The following NAP1L1 variants were observed in gnomAD, a reference collection of about 807,000 sequenced individuals.
The protein encoded by NAP1L1 is nucleosome assembly protein 1 like 1, also known as nucleosome assembly protein 1-like 1.
NAP1L1 carries 9 observed loss-of-function variants against 58.9 expected under a neutral mutation model. The ratio of observed to expected loss-of-function variants is 0.15; its 90% confidence interval spans 0.09 to 0.27. The LOEUF is 0.27. NAP1L1 is among the 10% of genes least tolerant of loss of function. NAP1L1 has a pLI of 1.00. For synonymous variants in NAP1L1, 130 were observed against 138.3 expected, an observed-to-expected ratio of 0.94 and a Z score of 0.42; for missense variants, 302 against 458.8, an observed-to-expected ratio of 0.66 and a Z score of 3.12.
At chr12:76,048,612 TAGCA>T in intron 14 of NAP1L1, 148 bp from the exon 15 acceptor site, 1 of 747,400 alleles carries the variant, frequency 1.3e-6, no homozygotes, top group East Asian at 2.7e-5. Context: ...TTTATTTTAT[TAGCA>T]AGTCACTGAA....
chr12:76,082,993 G>A (rs1950465864), intron 1 of NAP1L1, among the ~76,000 whole-genome samples: 1 of 152,180 alleles, frequency 6.6e-6, no homozygotes, highest in Non-Finnish European at 1.5e-5. Flanking sequence ...ATCTTCAAAT[G>A]TAGCAGTGAG....
At chr12:76,059,492 G>A in intron 6 of NAP1L1, 1 of 286,882 alleles carries the variant, frequency 3.5e-6, no homozygotes, top group East Asian at 9.0e-5. Context: ...TCCATCAGAT[G>A]AATTCGAACT....
chr12:76,067,302 G>T (rs887052118), intron 4 of NAP1L1, 69 bp downstream of exon 4: 1 of 1,147,512 alleles, frequency 8.7e-7, no homozygotes, highest in Non-Finnish European at 1.3e-6. Flanking sequence ...ATCCTAGATG[G>T]TCTTAAAAAT....
At chr12:76,051,823 T>C (rs1948845160) in intron 11 of NAP1L1, among the ~76,000 whole-genome samples, 1 of 152,160 alleles carries the variant, frequency 6.6e-6, no homozygotes, top group South Asian at 2.1e-4. Context: ...AAGACCAGCC[T>C]GGCCAACATG....
rs1320516893 is a variant in NAP1L1, at chr12:76,045,702, G to A, written c.*2727C>T. ...AGAATCCTAAGAAATTATATATGTG[G>A]CTTTCAGACATCCATGTTAAACTAT... On this transcript the variant is annotated 3_prime_UTR_variant, in exon 15 of 15. Transcript: ENST00000618691. 1 of 151,974 alleles carries A rather than the reference G, an allele frequency of 6.6e-6. No homozygotes were observed. Among genetic ancestry groups the A allele is most frequent in the Non-Finnish European group, 1.5e-5 (1 of 67,906 alleles). 9.4% of individuals were successfully genotyped at this position (151,974 alleles called of 1,614,324 possible).
chr12:76,061,747 T>G (rs1365283645), intron 4 of NAP1L1, among the ~76,000 whole-genome samples: 1 of 152,232 alleles, frequency 6.6e-6, no homozygotes. Context: ...ATAATTCACT[T>G]ACTTAGCCAC....
intron 2 of NAP1L1, among the ~76,000 whole-genome samples, chr12:76,069,615 G>C (rs186568077): frequency 1.3e-5 from 2 of 152,304 alleles, no homozygotes; most frequent in East Asian, 3.9e-4. Context: ...TAGGAAAACA[G>C]AAGAGTCCTG....
rs931981110 is a variant in NAP1L1 at position 76,056,111 on chromosome 12, T to C, written c.480A>G (p.Glu160=). Residue 160 remains glutamate (E), a synonymous_variant, in exon 7 of 15, where the codon GAA becomes GAG. Transcript: ENST00000618691. The part of the protein sequence containing the change: ...AKIEDEKKDE[E]KEDPKGIPEF... Reference sequence around the variant, plus strand: ...CAGGAATTCCTTTGGGGTCTTCTTTTTCTTCATCTTTTTTCTCATCTTCAA... The same window carrying C: ...CAGGAATTCCTTTGGGGTCTTCTTTCTCTTCATCTTTTTTCTCATCTTCAA... 1 of 1,612,944 alleles carries C rather than the reference T, an allele frequency of 6.2e-7. No individual in the cohort carries two copies. The highest frequency in any genetic ancestry group is 8.5e-7 in the Non-Finnish European group (1 of 1,179,540).
intron 14 of NAP1L1, 177 bp downstream of exon 14, chr12:76,049,023 G>A (rs1051779383): frequency 2.0e-5 from 11 of 557,990 alleles, no homozygotes; most frequent in South Asian, 1.8e-4. Context: ...TTAGAAAAAC[G>A]TCCACTGAAA....
Position 76,067,389 on chromosome 12 carries a change from G to A in NAP1L1, c.188C>T (p.Pro63Leu). 1 of 1,608,576 alleles carries A rather than the reference G, an allele frequency of 6.2e-7. No homozygotes were observed. The highest frequency in any genetic ancestry group is 8.5e-7 in the Non-Finnish European group (1 of 1,176,562). Residue 63 changes from proline to leucine, a missense_variant, in exon 4 of 15, where the codon CCA (proline) becomes CTA (leucine). Pro to Leu is a moderately conservative substitution (Grantham distance 98, BLOSUM62 -3). Transcript: ENST00000618691. ...QERLDGLVETPTGYIESLPRV... is the reference protein window; with the variant it reads ...QERLDGLVETLTGYIESLPRV... ...GCTGTACCTTTCAATGTATCCTGTT[G>A]GTGTTTCTACCAGACCATCAAGTCT... is the stretch of plus-strand genomic sequence containing the variant.
chr12:76,071,466 G>A (rs764514695), intron 2 of NAP1L1, among the ~76,000 whole-genome samples: 3 of 152,058 alleles, frequency 2.0e-5, no homozygotes, highest in African/African-American at 4.8e-5. Flanking sequence ...ATGATAAAGG[G>A]TTTTTTTGTT....
chr12:76,070,272 G>C (rs373087109), intron 2 of NAP1L1, among the ~76,000 whole-genome samples: 2 of 152,230 alleles, frequency 1.3e-5, no homozygotes, highest in South Asian at 4.1e-4. Flanking sequence ...ACAGGAGTGC[G>C]CCACTGCACC....
At position 76,053,188 on chromosome 12, in the gene NAP1L1, GC is replaced by G; in HGVS notation, c.916+16del. On this transcript the variant is annotated intron_variant, in intron 10 of 14. Coordinates refer to ENST00000618691, the MANE Select transcript of NAP1L1 (RefSeq NM_004537.7). ...TTATAAAACAACCGTTAATACTCAA[GC>G]TAAAACATTATTTACCTTCAGGAGG... 1 of 1,613,122 alleles carries G rather than the reference GC, an allele frequency of 6.2e-7. No individual in the cohort carries two copies. Among genetic ancestry groups the G allele is most frequent in the Non-Finnish European group, 8.5e-7 (1 of 1,179,596 alleles).
Position 76,040,419 on chromosome 12 carries a change from GA to G in NAP1L1, c.*8009del, listed in dbSNP as rs1269261822. ...GTCTCTACTACCCCTGTGACAGCAA[GA>G]CCCCCCTCCTCCTCAGCTATTCATG... On this transcript the variant is annotated 3_prime_UTR_variant, in exon 15 of 15. Coordinates refer to ENST00000618691, the MANE Select transcript of NAP1L1 (RefSeq NM_004537.7). The G allele has an allele frequency of 6.6e-6, 1 of 152,166 alleles. No homozygotes were observed. Among genetic ancestry groups the G allele is most frequent in the Admixed American group, 6.5e-5 (1 of 15,268 alleles). The allele number at this position is 152,166 out of a possible 1,614,324, so 9.4% of individuals were successfully genotyped here. A position where few individuals can be genotyped will look rare whatever the true frequency, so the allele number is the denominator to read the frequency against.
rs114636168 is a variant in NAP1L1, at chr12:76,078,324, T to C, written c.-20-4085A>G. Among the ~76,000 whole-genome samples, 1,391 of 152,252 alleles carry C rather than the reference T, an allele frequency of 9.1e-3. 17 individuals carry two copies. The highest frequency in any genetic ancestry group is 0.032 in the African/African-American group (1,322 of 41,548). On this transcript the variant is annotated intron_variant, in intron 1 of 14. Coordinates refer to ENST00000618691, the MANE Select transcript of NAP1L1 (RefSeq NM_004537.7). Reference sequence around the variant, plus strand: ...GGACAAACAGCCCAAATTTACCTCATCTGTATTGCCCTCCAAACCCCAAGC... The same window carrying C: ...GGACAAACAGCCCAAATTTACCTCACCTGTATTGCCCTCCAAACCCCAAGC...
chr12:76,036,973 CAGG>C lies in NAP1L1; in HGVS notation c.*11453_*11455del, dbSNP rs1240679238. On this transcript the variant is annotated 3_prime_UTR_variant, in exon 15 of 15. Coordinates refer to ENST00000618691, the MANE Select transcript of NAP1L1 (RefSeq NM_004537.7). Reference sequence around the variant, plus strand: ...ATCCCAGCTACTCGGGAGGCTGAGGCAGGAGAATTGCTTGAGCCAGGGAGGTGA... The same window carrying C: ...ATCCCAGCTACTCGGGAGGCTGAGGCAGAATTGCTTGAGCCAGGGAGGTGA... The C allele has an allele frequency of 3.3e-5, 5 of 151,550 alleles. No homozygotes were observed. Among genetic ancestry groups the C allele is most frequent in the East Asian group, 1.9e-4 (1 of 5,164 alleles). 9.4% of individuals were successfully genotyped at this position (151,550 alleles called of 1,614,324 possible).
At chr12:76,068,838 G>A in intron 3 of NAP1L1, 71 bp downstream of exon 3, 3 of 1,107,064 alleles carry the variant, frequency 2.7e-6, no homozygotes, top group South Asian at 1.3e-5. Flanking sequence ...AAAATAGACT[G>A]GTACTTATAA....
intron 3 of NAP1L1, 25 bp downstream of exon 3, chr12:76,068,884 C>A (rs1949817262): frequency 6.5e-7 from 1 of 1,542,716 alleles, no homozygotes; most frequent in African/African-American, 1.4e-5. Context: ...CAATCACTGG[C>A]TCCTGAAGTA....
chr12:76,080,845 C>G (rs1053300380), intron 1 of NAP1L1, among the ~76,000 whole-genome samples: 6 of 152,102 alleles, frequency 3.9e-5, no homozygotes, highest in Non-Finnish European at 8.8e-5. Flanking sequence ...GAGGGCTCCA[C>G]CCTCACAAAC....
Sources: gnomAD v4.1 joint callset for allele counts (sites outside exome capture counted in the v4.1 genomes callset) on GRCh38, gnomAD v4.1.1 for gene constraint, MANE v1.5 for transcripts, NCBI Gene and HGNC (gene_info 2026-07-23, HGNC 2026-07-21) for gene names.